CEPT1: variants seen among roughly 807,000 people sequenced by gnomAD.
The protein encoded by CEPT1 is choline/ethanolaminephosphotransferase 1.
A neutral mutation model predicts 42.6 loss-of-function variants in CEPT1; 7 were observed. That is an observed-to-expected ratio of 0.16 (90% CI 0.09 to 0.31). The LOEUF (loss-of-function observed/expected upper bound fraction) is 0.31, where lower values mean the gene tolerates loss of function less well. Among genes scored for constraint, CEPT1 ranks in the 10% least tolerant of loss-of-function variants. The pLI is 1.00. For missense variants in CEPT1, 306 were observed against 502.1 expected, an observed-to-expected ratio of 0.61 and a Z score of 3.73; for synonymous variants, 171 against 171.9, an observed-to-expected ratio of 0.99 and a Z score of 0.04.
rs770285994 is a variant in CEPT1 at position 111,182,805 on chromosome 1, A to G, written c.853A>G (p.Ser285Gly). The G allele has an allele frequency of 1.2e-6, 2 of 1,612,230 alleles. No individual in the cohort carries two copies. Among genetic ancestry groups the G allele is most frequent in the Admixed American group, 3.3e-5 (2 of 59,936 alleles). Reference protein sequence around the residue: ...GKNGSTIAGTSVLSPFLHIGS... With the variant: ...GKNGSTIAGTGVLSPFLHIGS... ...TTCTCTTCACTCTGTACAGGGAACA[A>G]GTGTCCTTTCTCCTTTTCTCCATAT... Residue 285 changes from serine to glycine, a missense_variant, in exon 7 of 9, where the codon AGT becomes GGT. Physicochemically the swap from Ser to Gly is moderately conservative, Grantham distance 56. This residue lies in a region of CEPT1 where 253 missense variants were observed against 447.3 expected (regional missense o/e 0.57). Coordinates refer to ENST00000357172, the MANE Select transcript of CEPT1 (RefSeq NM_006090.5).
At chr1:111,139,685 G>C (rs1043096), upstream of CEPT1, 23,436 of 152,352 alleles carry the variant, frequency 0.15, 2,194 homozygotes, top group South Asian at 0.28. Context: ...AGGAAAAGAC[G>C]CGAGAGACGG....
chr1:111,141,281 C>T (rs1654531084), intron 1 of CEPT1, among the ~76,000 whole-genome samples: 1 of 152,206 alleles, frequency 6.6e-6, no homozygotes, highest in Admixed American at 6.5e-5. Context: ...AATTTAGAGC[C>T]ATTGCCATTC....
chr1:111,169,108 G>A (rs1349665351), intron 4 of CEPT1, among the ~76,000 whole-genome samples: 5 of 152,198 alleles, frequency 3.3e-5, no homozygotes, highest in Non-Finnish European at 5.9e-5. Context: ...AAAAAAGTCT[G>A]TACGTGTTCA....
At chr1:111,182,989 T>C (rs1183320494) in intron 7 of CEPT1, 32 bp downstream of exon 7, 2 of 1,592,554 alleles carry the variant, frequency 1.3e-6, no homozygotes, top group Non-Finnish European at 1.7e-6. Context: ...TGCTGTGTTT[T>C]TCACTTTCAT....
chr1:111,151,186 G>T (rs533780006), intron 2 of CEPT1, among the ~76,000 whole-genome samples: 12 of 150,698 alleles, frequency 8.0e-5, no homozygotes, highest in African/African-American at 2.7e-4. Flanking sequence ...GTGCAGTGGC[G>T]CAGTCTCGGT....
intron 4 of CEPT1, among the ~76,000 whole-genome samples, chr1:111,168,850 T>C (rs898897343): frequency 6.6e-6 from 1 of 152,176 alleles, no homozygotes; most frequent in Admixed American, 6.5e-5. Context: ...GCATCTTTTT[T>C]CAAAATAACC....
intron 4 of CEPT1, among the ~76,000 whole-genome samples, chr1:111,164,090 C>T (rs1053629509): frequency 6.6e-6 from 1 of 152,078 alleles, no homozygotes; most frequent in Non-Finnish European, 1.5e-5. Flanking sequence ...TCCTTAGCCT[C>T]TTTATTATTA....
At chr1:111,151,981 C>T (rs1426659825) in intron 2 of CEPT1, among the ~76,000 whole-genome samples, 1 of 152,106 alleles carries the variant, frequency 6.6e-6, no homozygotes, top group Non-Finnish European at 1.5e-5. Flanking sequence ...CTCCCCAGAC[C>T]CCTTAGATAC....
chr1:111,150,025 T>C (rs1655183729), intron 2 of CEPT1, among the ~76,000 whole-genome samples: 1 of 152,212 alleles, frequency 6.6e-6, no homozygotes, highest in Non-Finnish European at 1.5e-5. Context: ...TTTTCACTAG[T>C]TGTGATGGTT....
intron 2 of CEPT1, 83 bp downstream of exon 2, chr1:111,148,136 ATAAAG>A (rs1173291037): frequency 2.0e-6 from 2 of 1,014,830 alleles, no homozygotes; most frequent in Non-Finnish European, 3.0e-6. Flanking sequence ...TTAACTAAAG[ATAAAG>A]TAATCTGACA....
rs375894455 is a variant in CEPT1, at chr1:111,164,798, C to T, written c.629+3502C>T. On this transcript the variant is annotated intron_variant, in intron 4 of 8. Coordinates refer to ENST00000357172, the MANE Select transcript of CEPT1 (RefSeq NM_006090.5). ...GCCACCATGCCCAGCTAGTTTTTTG[C>T]ATTTTTAGTAGAGATGGGGTTTCAC... Among the ~76,000 whole-genome samples, 177 of 151,404 alleles carry T rather than the reference C, an allele frequency of 1.2e-3. 3 individuals carry two copies. In the South Asian group the frequency reaches 0.034, roughly 29 times the overall value.
chr1:111,167,882 T>C (rs959937691), intron 4 of CEPT1: 4 of 653,736 alleles, frequency 6.1e-6, no homozygotes, highest in Non-Finnish European at 7.6e-6. Flanking sequence ...AAAAGTAATG[T>C]ATCTTTTTCC....
chr1:111,174,810 A>G (rs1656596413), intron 4 of CEPT1, 69 bp from the exon 5 acceptor site: 2 of 944,556 alleles, frequency 2.1e-6, no homozygotes, highest in Non-Finnish European at 3.5e-6. Flanking sequence ...AATGCTGCTA[A>G]GCTTGCAAGT....
At chr1:111,177,344 G>A (rs865868254) in intron 5 of CEPT1, among the ~76,000 whole-genome samples, 10 of 152,244 alleles carry the variant, frequency 6.6e-5, no homozygotes, top group Admixed American at 2.0e-4. Context: ...GTGCACCTAC[G>A]TTTTGACCTC....
In CEPT1 at chr1:111,159,485, C is replaced by T; in HGVS notation, c.445C>T (p.Leu149=). The T allele has an allele frequency of 6.2e-7, 1 of 1,611,028 alleles. No homozygotes were observed. Among genetic ancestry groups the T allele is most frequent in the South Asian group, 1.1e-5 (1 of 90,362 alleles). The stretch of plus-strand genomic sequence containing the variant: ...AAGAAGAACCAATAGTAGTTCTCCT[C>T]TGGGAGAACTTTTTGATCATGGCTG... ...QARRTNSSSP[L]GELFDHGCDS... is the part of the protein sequence containing the mutation. The change falls in exon 3 of 9, where the codon CTG becomes TTG. Residue 149 remains leucine, a synonymous_variant. Transcript: ENST00000357172.
At chr1:111,140,647 G>A (rs1654430131) in intron 1 of CEPT1, 2 of 152,414 alleles carry the variant, frequency 1.3e-5, no homozygotes, top group Admixed American at 6.5e-5. Flanking sequence ...AGCGCTGAGC[G>A]GGCCGAGGGC....
chr1:111,142,530 C>G (rs773886500), intron 1 of CEPT1, among the ~76,000 whole-genome samples: 1 of 152,144 alleles, frequency 6.6e-6, no homozygotes, highest in Non-Finnish European at 1.5e-5. Context: ...GTGGCACATG[C>G]TCGTAATCCT....
intron 4 of CEPT1, among the ~76,000 whole-genome samples, chr1:111,166,347 C>T (rs968733313): frequency 6.6e-6 from 1 of 152,148 alleles, no homozygotes; most frequent in Non-Finnish European, 1.5e-5. Context: ...TGTGTGTTAT[C>T]TGTGTTTCCA....
chr1:111,142,188 G>A (rs561496724), intron 1 of CEPT1, among the ~76,000 whole-genome samples: 2 of 152,208 alleles, frequency 1.3e-5, no homozygotes, highest in South Asian at 2.1e-4. Context: ...TTTAGTAAAG[G>A]TATTAATTAA....
Sources: allele counts gnomAD v4.1 joint callset (sites outside exome capture counted in the v4.1 genomes callset), GRCh38; gene constraint gnomAD v4.1.1; regional missense constraint gnomAD v4.1.1; transcripts MANE v1.5; gene names NCBI Gene and HGNC (gene_info 2026-07-23, HGNC 2026-07-21).